RGS17: variants seen among roughly 807,000 people sequenced by gnomAD.
RGS17 encodes the protein regulator of G-protein signaling 17.
Under a neutral mutation model 25.5 loss-of-function variants are expected in RGS17, and 12 were observed. That is an observed-to-expected ratio of 0.47 (90% CI 0.30 to 0.76). The LOEUF (loss-of-function observed/expected upper bound fraction) is 0.76. Among genes scored for constraint, RGS17 ranks in the 30% least tolerant of loss-of-function variants. The probability of loss-of-function intolerance (pLI) is 0.07; values close to 1 mark genes in which losing one functional copy is unlikely to be tolerated. For missense variants in RGS17, 196 were observed against 242.2 expected, an observed-to-expected ratio of 0.81 and a Z score of 1.27; for synonymous variants, 71 against 76.9, an observed-to-expected ratio of 0.92 and a Z score of 0.40.
chr6:153,095,358 A>G (rs1331538755), intron 1 of RGS17, among the ~76,000 whole-genome samples: 1 of 152,166 alleles, frequency 6.6e-6, no homozygotes, highest in African/African-American at 2.4e-5. Context: ...AGAACACAAC[A>G]TGAATAAAAT....
intron 4 of RGS17, among the ~76,000 whole-genome samples, chr6:153,018,268 G>C (rs1779205544): frequency 6.6e-6 from 1 of 152,066 alleles, no homozygotes; most frequent in Non-Finnish European, 1.5e-5. Context: ...GAAAATATTA[G>C]GCAATGGAAG....
chr6:153,074,386 C>A (rs758285125), intron 1 of RGS17, among the ~76,000 whole-genome samples: 1 of 152,166 alleles, frequency 6.6e-6, no homozygotes, highest in Non-Finnish European at 1.5e-5. Context: ...CATGAGTAAT[C>A]TTTCTCTTAA....
At chr6:153,046,167 G>T (rs1776381660) in intron 1 of RGS17, among the ~76,000 whole-genome samples, 1 of 152,032 alleles carries the variant, frequency 6.6e-6, no homozygotes, top group South Asian at 2.1e-4. Flanking sequence ...TAAAAAGAAG[G>T]ACATAGCATA....
At chr6:153,106,095 T>C (rs1257197837) in intron 1 of RGS17, among the ~76,000 whole-genome samples, 1 of 152,066 alleles carries the variant, frequency 6.6e-6, no homozygotes, top group Non-Finnish European at 1.5e-5. Context: ...ATGGATAGTT[T>C]ACATATGGGT....
At chr6:153,054,094 A>T (rs1310633670) in intron 1 of RGS17, among the ~76,000 whole-genome samples, 1 of 60,688 alleles carries the variant, frequency 1.6e-5, no homozygotes, top group African/African-American at 8.5e-5. Flanking sequence ...AATATTTTTT[A>T]TATATATATA....
chr6:153,036,208 A>G (rs1421570558), intron 2 of RGS17, among the ~76,000 whole-genome samples: 2 of 151,998 alleles, frequency 1.3e-5, no homozygotes, highest in Non-Finnish European at 2.9e-5. Flanking sequence ...GTGTATTACC[A>G]CACTCGGCTA....
chr6:153,050,080 A>T (rs903117830), intron 1 of RGS17, among the ~76,000 whole-genome samples: 1 of 152,188 alleles, frequency 6.6e-6, no homozygotes, highest in Admixed American at 6.5e-5. Flanking sequence ...TGGTGTTGAG[A>T]TATTTGCACT....
At chr6:153,054,092 TTATATATATATATATATA>T (rs1199437911) in intron 1 of RGS17, among the ~76,000 whole-genome samples, 1 of 42,102 alleles carries the variant, frequency 2.4e-5, no homozygotes, top group Non-Finnish European at 3.8e-5. Context: ...ACAATATTTT[TTATATATATATATATATA>T]TATGTGTATA....
intron 1 of RGS17, among the ~76,000 whole-genome samples, chr6:153,090,449 GAAAAAAAAAA>G (rs1215269696): frequency 1.2e-5 from 1 of 83,264 alleles, no homozygotes; most frequent in Admixed American, 1.4e-4. Flanking sequence ...CATCTCTACT[GAAAAAAAAAA>G]AAAAAAAAAA....
chr6:153,106,662 C>A (rs1055302095), intron 1 of RGS17, among the ~76,000 whole-genome samples: 1 of 151,978 alleles, frequency 6.6e-6, no homozygotes, highest in Non-Finnish European at 1.5e-5. Context: ...TATACATAGA[C>A]ATGGAGTTTC....
chr6:153,051,029 T>C (rs977862442), intron 1 of RGS17, among the ~76,000 whole-genome samples: 1 of 152,240 alleles, frequency 6.6e-6, no homozygotes, highest in Admixed American at 6.5e-5. Flanking sequence ...GATAGTCATC[T>C]ACAACCAGGC....
At chr6:153,019,715 G>A (rs1779220350) in intron 4 of RGS17, among the ~76,000 whole-genome samples, 1 of 152,094 alleles carries the variant, frequency 6.6e-6, no homozygotes, top group Non-Finnish European at 1.5e-5. Context: ...TAAGCTTCCT[G>A]AGGCCTCCCT....
intron 1 of RGS17, among the ~76,000 whole-genome samples, chr6:153,079,524 G>A (rs1350990945): frequency 6.6e-6 from 1 of 152,136 alleles, no homozygotes; most frequent in Non-Finnish European, 1.5e-5. Flanking sequence ...ACAAATTAAT[G>A]TTGAATTTTG....
rs1280860451 is a variant in RGS17 at position 153,130,952 on chromosome 6, G to A, written c.-26+172C>T. ...TCCCGCTCAGGGCGCCGCGGCCACA[G>A]CTGAGACCCCAGCGCCGCGCAGCCG... On this transcript the variant is annotated intron_variant, in intron 1 of 4. Coordinates refer to ENST00000206262, the MANE Select transcript of RGS17 (RefSeq NM_012419.5). The surrounding 1 kb of genome is among the most constrained non-coding windows in gnomAD (Gnocchi z 6.4). 1.3e-5 allele frequency among the ~76,000 whole-genome samples: 2 copies of A among 151,704 alleles called. No individual in the cohort carries two copies. The highest frequency in any genetic ancestry group is 2.9e-5 in the Non-Finnish European group (2 of 67,874).
At chr6:153,027,870 G>A (rs1342362068) in intron 2 of RGS17, among the ~76,000 whole-genome samples, 1 of 152,220 alleles carries the variant, frequency 6.6e-6, no homozygotes, top group African/African-American at 2.4e-5. Context: ...GGTATGGAAA[G>A]AAAGTGTTTA....
At position 153,011,733 on chromosome 6, in the gene RGS17, C is replaced by G; in HGVS notation, c.474G>C (p.Val158=). 6.2e-7 allele frequency: 1 copy of G among 1,611,834 alleles called. No individual in the cohort carries two copies. The highest frequency in any genetic ancestry group is 8.5e-7 in the Non-Finnish European group (1 of 1,179,232). ...TGGGATCCAACAGATTTCTATTGAT[C>G]ACCTCTCTAACTCGAGAATCAAGAC... The part of the protein sequence containing the change: ...EVSLDSRVRE[V]INRNLLDPNP... The change falls in exon 5 of 5, where the codon GTG becomes GTC. Residue 158 remains valine (V), a synonymous_variant. Coordinates refer to ENST00000206262, the MANE Select transcript of RGS17 (RefSeq NM_012419.5).
At chr6:153,092,278 T>C (rs1211820735) in intron 1 of RGS17, among the ~76,000 whole-genome samples, 1 of 152,190 alleles carries the variant, frequency 6.6e-6, no homozygotes, top group Non-Finnish European at 1.5e-5. Context: ...TGTTGATATA[T>C]CTAAACACCA....
At chr6:153,096,624 A>G (rs950106264) in intron 1 of RGS17, among the ~76,000 whole-genome samples, 1 of 152,206 alleles carries the variant, frequency 6.6e-6, no homozygotes, top group African/African-American at 2.4e-5. Context: ...CAGCTATATG[A>G]TCGTTGCCAC....
Position 153,116,979 on chromosome 6 carries a change from G to C in RGS17, c.-26+14145C>G, listed in dbSNP as rs6557272. On this transcript the variant is annotated intron_variant, in intron 1 of 4. Coordinates refer to ENST00000206262, the MANE Select transcript of RGS17 (RefSeq NM_012419.5). ...TAGGAGAAATACCTAATGTAGATAA[G>C]GGGTTGATGGGTGCCACAAACCACC... 3.9e-5 allele frequency among the ~76,000 whole-genome samples: 6 copies of C among 151,948 alleles called. No homozygotes were observed. The East Asian group carries it at 7.8e-4, about 20-fold the overall frequency.
Sources: gnomAD v4.1 joint callset for allele counts (sites outside exome capture counted in the v4.1 genomes callset) on GRCh38, gnomAD v4.1.1 for gene constraint, Gnocchi (gnomAD v3.1) non-coding constraint, MANE v1.5 for transcripts, NCBI Gene and HGNC (gene_info 2026-07-23, HGNC 2026-07-21) for gene names.